NFATC2: variants seen among roughly 807,000 people sequenced by gnomAD.
NFATC2 encodes nuclear factor of activated T-cells, cytoplasmic 2.
A neutral mutation model predicts 87.3 loss-of-function variants in NFATC2; 22 were observed. That is an observed-to-expected ratio of 0.25 (90% CI 0.18 to 0.36). The LOEUF (loss-of-function observed/expected upper bound fraction) is 0.36. NFATC2 is among the 10% of genes least tolerant of loss of function. NFATC2 has a pLI of 1.00. For synonymous variants in NFATC2, 565 were observed against 542.2 expected, an observed-to-expected ratio of 1.04 and a Z score of -0.58; for missense variants, 1,149 against 1,259.1, an observed-to-expected ratio of 0.91 and a Z score of 1.32.
intron 9 of NFATC2, among the ~76,000 whole-genome samples, chr20:51,428,183 CCAGAAG>C (rs1600710573): frequency 6.6e-6 from 1 of 151,984 alleles, no homozygotes; most frequent in East Asian, 1.9e-4. Flanking sequence ...GAATGAGGTC[CCAGAAG>C]CAGCTACTGC....
chr20:51,523,061 A>C lies in NFATC2; in HGVS notation c.1160+20T>G. 1 of 1,613,764 alleles carries C rather than the reference A, an allele frequency of 6.2e-7. No individual in the cohort carries two copies. The highest frequency in any genetic ancestry group is 8.5e-7 in the Non-Finnish European group (1 of 1,179,988). On this transcript the variant is annotated intron_variant, in intron 2 of 10. Coordinates refer to ENST00000371564, the MANE Select transcript of NFATC2 (RefSeq NM_012340.5). This position sits in a 1 kb window ranked among gnomAD's most constrained non-coding sequence, Gnocchi z 6.9. ...TTAAAACTAAACCACAGAATCAATC[A>C]TTTTCAAAGCCCTGCTCACCTGCAG... is the stretch of plus-strand genomic sequence containing the variant.
At chr20:51,546,168 C>T (rs2076888074), upstream of NFATC2, among the ~76,000 whole-genome samples, 1 of 152,228 alleles carries the variant, frequency 6.6e-6, no homozygotes, top group South Asian at 2.1e-4. Flanking sequence ...GACAGTCTAA[C>T]TGCCTTTGTT....
chr20:51,511,642 C>T (rs747478429), intron 3 of NFATC2, among the ~76,000 whole-genome samples: 2 of 152,190 alleles, frequency 1.3e-5, no homozygotes, highest in Non-Finnish European at 2.9e-5. Flanking sequence ...CCTTTACCTC[C>T]CATACCTAAG....
intron 9 of NFATC2, among the ~76,000 whole-genome samples, chr20:51,426,413 G>A (rs1981835018): frequency 6.6e-6 from 1 of 152,108 alleles, no homozygotes; most frequent in African/African-American, 2.4e-5. Flanking sequence ...AGGAGGCAGA[G>A]GTTGCAGCGA....
At chr20:51,544,193 T>C (rs1304149613), upstream of NFATC2, among the ~76,000 whole-genome samples, 2 of 151,926 alleles carry the variant, frequency 1.3e-5, no homozygotes, top group Non-Finnish European at 2.9e-5. Context: ...TTCACTGTGT[T>C]AGCCAGGAAG....
At chr20:51,488,588 T>C (rs1443131859) in intron 3 of NFATC2, among the ~76,000 whole-genome samples, 1 of 152,186 alleles carries the variant, frequency 6.6e-6, no homozygotes, top group Non-Finnish European at 1.5e-5. Flanking sequence ...CTAACATTTA[T>C]GAGGAGGGGA....
intron 1 of NFATC2, among the ~76,000 whole-genome samples, chr20:51,536,757 T>C (rs1025345350): frequency 6.6e-6 from 1 of 152,234 alleles, no homozygotes; most frequent in Non-Finnish European, 1.5e-5. Context: ...CCTTTCCAGC[T>C]GCACCTGGAG....
intron 1 of NFATC2, among the ~76,000 whole-genome samples, chr20:51,531,975 G>A (rs1044532007): frequency 3.9e-5 from 6 of 152,088 alleles, no homozygotes; most frequent in African/African-American, 1.4e-4. Context: ...GTGTGGAGGA[G>A]GTAAAACGTG....
chr20:51,403,723 A>C lies in NFATC2; in HGVS notation c.2723-4993T>G, dbSNP rs925986566. Among the ~76,000 whole-genome samples the C allele has an allele frequency of 3.3e-5, 5 of 152,292 alleles. No individual in the cohort carries two copies. In the South Asian group the frequency reaches 1.0e-3, roughly 32 times the overall value. The stretch of plus-strand genomic sequence containing the variant: ...GGAGAACACAATGGGAGAAAAGGTG[A>C]CTGTCTGCAAGCCAGGACCTAAGCA... On this transcript the variant is annotated intron_variant, in intron 9 of 10. Transcript: ENST00000371564.
At chr20:51,461,510 G>C (rs1987143932) in intron 5 of NFATC2, among the ~76,000 whole-genome samples, 1 of 152,320 alleles carries the variant, frequency 6.6e-6, no homozygotes, top group South Asian at 2.1e-4. Context: ...AGTGGCTTGG[G>C]GGGGCTCTTG....
chr20:51,555,730 C>G lies in NFATC2; in HGVS notation c.70+6830G>C, dbSNP rs577393696. Among the ~76,000 whole-genome samples, 27 of 152,284 alleles carry G rather than the reference C, an allele frequency of 1.8e-4. No individual in the cohort carries two copies. In the East Asian group the frequency reaches 3.5e-3, roughly 20 times the overall value. ...CCGAGCACATGCCTCTCCTCAGGGCCTTTGCACACATCGCTCATTCTGCCT... is the reference window on the plus strand; with the variant it reads ...CCGAGCACATGCCTCTCCTCAGGGCGTTTGCACACATCGCTCATTCTGCCT... On this transcript the variant is annotated intron_variant, in intron 1 of 10. Transcript: ENST00000414705.
intron 1 of NFATC2, among the ~76,000 whole-genome samples, chr20:51,531,517 T>G (rs2076633330): frequency 6.6e-6 from 1 of 152,170 alleles, no homozygotes; most frequent in Non-Finnish European, 1.5e-5. Context: ...AGCCCTCCTC[T>G]TTGCCCCACC....
chr20:51,476,651 T>C (rs780814866), intron 3 of NFATC2, among the ~76,000 whole-genome samples: 2 of 152,234 alleles, frequency 1.3e-5, no homozygotes, highest in Non-Finnish European at 2.9e-5. Context: ...GTCTAGTTAA[T>C]TTGCCACAAA....
At chr20:51,481,533 T>C (rs4811177) in intron 3 of NFATC2, among the ~76,000 whole-genome samples, 69,182 of 151,910 alleles carry the variant, frequency 0.46, 17,110 homozygotes, top group Admixed American at 0.59. Flanking sequence ...TCCCAGGCAG[T>C]TGAAAAGGTT....
intron 1 of NFATC2, among the ~76,000 whole-genome samples, chr20:51,530,235 C>T (rs1020755298): frequency 2.0e-5 from 3 of 152,212 alleles, no homozygotes; most frequent in South Asian, 2.1e-4. Context: ...GGTGCGATCT[C>T]GACTCACTGC....
chr20:51,475,658 G>C lies in NFATC2; in HGVS notation c.1335C>G (p.Leu445=). ...APTGGHPVVQ[L]HGYMENKPLG... is the part of the protein sequence containing the mutation. ...GAGGCTTGTTTTCCATGTAGCCATGGAGCTGGTGGGGGAGAAAACAAAATC... is the reference window on the plus strand; with the variant it reads ...GAGGCTTGTTTTCCATGTAGCCATGCAGCTGGTGGGGGAGAAAACAAAATC... Residue 445 remains leucine, a splice_region_variant and synonymous_variant, in exon 4 of 11, where the codon CTC becomes CTG. Transcript: ENST00000371564. 2 of 1,614,106 alleles carry C rather than the reference G, an allele frequency of 1.2e-6. No homozygotes were observed. Among genetic ancestry groups the C allele is most frequent in the Non-Finnish European group, 1.7e-6 (2 of 1,180,012 alleles).
intron 3 of NFATC2, among the ~76,000 whole-genome samples, chr20:51,491,442 G>A (rs1353345161): frequency 2.0e-5 from 3 of 152,172 alleles, no homozygotes; most frequent in African/African-American, 7.2e-5. Flanking sequence ...GGTAGACCAG[G>A]AAATATTCAA....
intron 5 of NFATC2, among the ~76,000 whole-genome samples, chr20:51,456,449 G>A (rs763911024): frequency 2.3e-4 from 35 of 152,200 alleles, no homozygotes; most frequent in Non-Finnish European, 4.1e-4. Context: ...GGTTTCTCCA[G>A]CTCCAGCGCC....
At chr20:51,496,180 T>C (rs542806695) in intron 3 of NFATC2, among the ~76,000 whole-genome samples, 1 of 152,292 alleles carries the variant, frequency 6.6e-6, no homozygotes, top group African/African-American at 2.4e-5. Context: ...GAAGCGCAGC[T>C]GTTCACAACT....
Sources: allele counts gnomAD v4.1 joint callset (sites outside exome capture counted in the v4.1 genomes callset), GRCh38; gene constraint gnomAD v4.1.1; non-coding constraint Gnocchi (gnomAD v3.1); transcripts MANE v1.5; gene names NCBI Gene and HGNC (gene_info 2026-07-23, HGNC 2026-07-21).